ACACB: variants seen among roughly 807,000 people sequenced by gnomAD.
ACACB encodes acetyl-CoA carboxylase beta, also known as acetyl-CoA carboxylase 2.
ACACB carries 209 observed loss-of-function variants against 278.8 expected under a neutral mutation model. The observed-to-expected ratio is 0.75, with a 90% CI of 0.67 to 0.84. The LOEUF is 0.84. Ranked by LOEUF, ACACB falls within the 40% of genes least tolerant of loss-of-function variation. The pLI is 0.00. For missense variants in ACACB, 2,850 were observed against 3,269.0 expected, an observed-to-expected ratio of 0.87 and a Z score of 3.13; for synonymous variants, 1,174 against 1,285.6, an observed-to-expected ratio of 0.91 and a Z score of 1.86.
rs562802245 is a variant in ACACB at position 109,186,600 on chromosome 12, C to T, written c.1980+860C>T. ...CCTTACAGTTTACATGCATACCGAC[C>T]GTTGATTGTCACAGGACTCATCAAT... On this transcript the variant is annotated intron_variant, in intron 12 of 52. Transcript: ENST00000338432. Among the ~76,000 whole-genome samples the T allele has an allele frequency of 4.6e-5, 7 of 152,188 alleles. No individual in the cohort carries two copies. The South Asian group carries it at 1.5e-3, about 32-fold the overall frequency.
At chr12:109,151,964 G>A (rs377100229) in intron 2 of ACACB, among the ~76,000 whole-genome samples, 31 of 152,196 alleles carry the variant, frequency 2.0e-4, no homozygotes, top group Admixed American at 4.6e-4. Flanking sequence ...ATTTCTTTCC[G>A]TCTTCTATTC....
chr12:109,210,538 TA>T, intron 21 of ACACB, among the ~76,000 whole-genome samples: 1 of 148,768 alleles, frequency 6.7e-6, no homozygotes, highest in East Asian at 2.0e-4. Context: ...TGTGTATATA[TA>T]CGTGCATGTA....
At chr12:109,258,418 T>C (rs996364331) in intron 46 of ACACB, 54 bp downstream of exon 46, 2 of 1,478,238 alleles carry the variant, frequency 1.4e-6, no homozygotes, top group Admixed American at 1.9e-5. Flanking sequence ...CTGTCGAGAG[T>C]GGGTCCTGGG....
chr12:109,141,572 C>T (rs531370713), intron 2 of ACACB, among the ~76,000 whole-genome samples: 2 of 152,146 alleles, frequency 1.3e-5, no homozygotes, highest in Non-Finnish European at 2.9e-5. Context: ...TGTTTTTCTC[C>T]TCTGGAGTGA....
chr12:109,133,863 A>ATATATT (rs55881936), intron 1 of ACACB, among the ~76,000 whole-genome samples: 111 of 70,494 alleles, frequency 1.6e-3, no homozygotes, highest in Non-Finnish European at 2.2e-3. Flanking sequence ...ATATATATAT[A>ATATATT]TTTTTTTTTT....
intron 18 of ACACB, among the ~76,000 whole-genome samples, chr12:109,201,171 C>A (rs77015645): frequency 6.6e-6 from 1 of 152,144 alleles, no homozygotes; most frequent in African/African-American, 2.4e-5. Context: ...TTTCTAAGTG[C>A]CTTTAATAAA....
intron 10 of ACACB, among the ~76,000 whole-genome samples, 161 bp from the exon 11 acceptor site, chr12:109,179,756 G>A (rs1352485574): frequency 2.0e-5 from 3 of 152,112 alleles, no homozygotes; most frequent in Non-Finnish European, 2.9e-5. Context: ...CTCCTTAAGC[G>A]CTAGGGTGAT....
intron 2 of ACACB, among the ~76,000 whole-genome samples, chr12:109,157,250 C>T (rs1211923575): frequency 1.5e-5 from 2 of 134,126 alleles, no homozygotes; most frequent in Non-Finnish European, 3.2e-5. Flanking sequence ...AGGGACTAGC[C>T]CTCATAGGCC....
chr12:109,157,157 C>T (rs367964882), intron 2 of ACACB, among the ~76,000 whole-genome samples: 49 of 152,164 alleles, frequency 3.2e-4, no homozygotes, highest in Middle Eastern at 3.4e-3. Flanking sequence ...TGGATTTGGA[C>T]GATCTAACTT....
In ACACB at chr12:109,231,079, C is replaced by T. The variant is rs140827887; in HGVS notation, c.4002-1590C>T. Among the ~76,000 whole-genome samples, 5 of 152,292 alleles carry T rather than the reference C, an allele frequency of 3.3e-5. No homozygotes were observed. In the East Asian group the frequency reaches 9.7e-4, roughly 29 times the overall value. On this transcript the variant is annotated intron_variant, in intron 28 of 52. Transcript: ENST00000338432. ...AGATGGCCTGGCTTGGCCCTCAACA[C>T]TTGTGTGTGTAGAGCCAGGCACATG...
chr12:109,179,886 A>G, intron 10 of ACACB, 31 bp from the exon 11 acceptor site: 1 of 1,582,250 alleles, frequency 6.3e-7, no homozygotes, highest in African/African-American at 1.3e-5. Context: ...GACCTCTGGA[A>G]CCCCCTTGGC....
At chr12:109,237,913 G>A (rs1241177058) in intron 34 of ACACB, among the ~76,000 whole-genome samples, 2 of 151,354 alleles carry the variant, frequency 1.3e-5, no homozygotes, top group South Asian at 2.1e-4. Context: ...TCAGGAGGCC[G>A]AGGCATGAGA....
chr12:109,223,101 G>T (rs1472185202), intron 26 of ACACB, among the ~76,000 whole-genome samples, 189 bp downstream of exon 26: 1 of 152,146 alleles, frequency 6.6e-6, no homozygotes, highest in East Asian at 1.9e-4. Context: ...CTCTAGGAGA[G>T]GTGGGCATGG....
rs751632068 is a variant in ACACB, at chr12:109,172,305, GA to G, written c.1070del (p.Asn357ThrfsTer16). On this transcript the variant is annotated frameshift_variant, in exon 6 of 53. Coordinates refer to ENST00000338432, the MANE Select transcript of ACACB (RefSeq NM_001093.4). LOFTEE classifies it high-confidence loss of function. ...AVWAGWGHAS[E>X]NPKLPELLCK... is the part of the protein sequence containing the mutation. ...GTGGGCTGGCTGGGGCCATGCTTCAGAAAACCCTAAACTTCCGGAGCTGCTG... is the reference window on the plus strand; with the variant it reads ...GTGGGCTGGCTGGGGCCATGCTTCAGAAACCCTAAACTTCCGGAGCTGCTG... The G allele has an allele frequency of 3.7e-6, 6 of 1,614,098 alleles. No homozygotes were observed. Among genetic ancestry groups the G allele is most frequent in the Non-Finnish European group, 3.4e-6 (4 of 1,180,028 alleles).
At chr12:109,113,382 C>T (rs1461423859), upstream of ACACB, 1 of 152,256 alleles carries the variant, frequency 6.6e-6, no homozygotes, top group African/African-American at 2.4e-5. Flanking sequence ...TTCTGAGAAC[C>T]TGGCCTAATG....
chr12:109,256,586 T>A (rs1238196147), intron 45 of ACACB, among the ~76,000 whole-genome samples: 1 of 152,216 alleles, frequency 6.6e-6, no homozygotes, highest in Non-Finnish European at 1.5e-5. Flanking sequence ...AGCCCTGTTG[T>A]ATGCCACTGT....
chr12:109,249,364 A>G (rs1272336227), intron 40 of ACACB: 5 of 152,224 alleles, frequency 3.3e-5, no homozygotes, highest in Non-Finnish European at 7.3e-5. Flanking sequence ...ATCTGTATCT[A>G]TCTGCTTACT....
chr12:109,213,979 G>A (rs932095766), intron 22 of ACACB, among the ~76,000 whole-genome samples: 6 of 152,194 alleles, frequency 3.9e-5, no homozygotes, highest in Middle Eastern at 3.4e-3. Context: ...TCAGGGCCAG[G>A]CGCTGTGGCT....
intron 2 of ACACB, among the ~76,000 whole-genome samples, chr12:109,155,468 AT>A (rs1467966208): frequency 1.3e-5 from 2 of 152,306 alleles, no homozygotes; most frequent in Middle Eastern, 6.8e-3. Context: ...GAATTACCAA[AT>A]TGATGGTGTG....
Sources: allele counts gnomAD v4.1 joint callset (sites outside exome capture counted in the v4.1 genomes callset), GRCh38; gene constraint gnomAD v4.1.1; transcripts MANE v1.5; gene names NCBI Gene and HGNC (gene_info 2026-07-23, HGNC 2026-07-21).